The following HSD17B4 variants were observed in gnomAD, a reference collection of about 807,000 sequenced individuals.
HSD17B4 encodes the protein peroxisomal multifunctional enzyme type 2.
A neutral mutation model predicts 101.0 loss-of-function variants in HSD17B4; 70 were observed. The ratio of observed to expected loss-of-function variants is 0.69; its 90% CI spans 0.57 to 0.85. The LOEUF is 0.85. Among genes scored for constraint, HSD17B4 ranks in the 40% least tolerant of loss-of-function variants. The pLI is 0.00. For missense variants in HSD17B4, 984 were observed against 892.4 expected, an observed-to-expected ratio of 1.10 and a Z score of -1.31; for synonymous variants, 347 against 297.1, an observed-to-expected ratio of 1.17 and a Z score of -1.73.
intron 6 of HSD17B4, 57 bp downstream of exon 6, chr5:119,475,927 T>G (rs1748540870): frequency 7.7e-7 from 1 of 1,294,404 alleles, no homozygotes; most frequent in Non-Finnish European, 1.1e-6. Flanking sequence ...GCCTTTTTAG[T>G]ATTTGATAAA....
At chr5:119,504,079 A>T (rs1189680903) in intron 14 of HSD17B4, among the ~76,000 whole-genome samples, 1 of 152,156 alleles carries the variant, frequency 6.6e-6, no homozygotes, top group Non-Finnish European at 1.5e-5. Context: ...ATGACGTCCA[A>T]CTGTATCCAT....
chr5:119,469,708 C>T (rs1298511981), intron 2 of HSD17B4, among the ~76,000 whole-genome samples: 2 of 152,220 alleles, frequency 1.3e-5, no homozygotes, highest in Non-Finnish European at 2.9e-5. Flanking sequence ...TCTAGTAGAA[C>T]AGTCGTATCT....
intron 22 of HSD17B4, among the ~76,000 whole-genome samples, chr5:119,534,577 C>T (rs1270996560): frequency 6.6e-6 from 1 of 152,018 alleles, no homozygotes; most frequent in South Asian, 2.1e-4. Flanking sequence ...TGGGTTGGTG[C>T]TCATCTTCTA....
rs565287965 is a variant in HSD17B4, at chr5:119,500,993, A to G, written c.1210-1048A>G. Among the ~76,000 whole-genome samples the G allele has an allele frequency of 9.8e-4, 149 of 152,246 alleles. 1 individual carries two copies. Among genetic ancestry groups the G allele is most frequent in the Non-Finnish European group, 1.8e-3 (123 of 67,992 alleles). On this transcript the variant is annotated intron_variant, in intron 13 of 23. Transcript: ENST00000510025. ...TATTTACTGGTGGATCAGTTAGCCC[A>G]TTGCTGCTCTGAGTTGATGGCCACT...
chr5:119,457,014 G>A (rs978909025), intron 2 of HSD17B4, among the ~76,000 whole-genome samples: 2 of 152,164 alleles, frequency 1.3e-5, no homozygotes, highest in South Asian at 2.1e-4. Flanking sequence ...ATTTAATTGA[G>A]GGGGCAGTTA....
chr5:119,475,079 T>C (rs1171497922), intron 4 of HSD17B4, among the ~76,000 whole-genome samples: 1 of 152,168 alleles, frequency 6.6e-6, no homozygotes, highest in Non-Finnish European at 1.5e-5. Context: ...CTCCCTTTTT[T>C]GTTTGGTCTA....
intron 2 of HSD17B4, among the ~76,000 whole-genome samples, chr5:119,472,745 G>T (rs1159236998): frequency 6.6e-6 from 1 of 152,052 alleles, no homozygotes; most frequent in Non-Finnish European, 1.5e-5. Context: ...AACGTAATTG[G>T]TACTTTATAC....
chr5:119,455,275 T>C (rs1754497248), intron 1 of HSD17B4, among the ~76,000 whole-genome samples: 1 of 152,172 alleles, frequency 6.6e-6, no homozygotes, highest in Non-Finnish European at 1.5e-5. Flanking sequence ...TCCCAGCACT[T>C]TGGGAGGCCG....
chr5:119,531,176 A>T, intron 21 of HSD17B4, 90 bp from the exon 22 acceptor site: 1 of 1,367,060 alleles, frequency 7.3e-7, no homozygotes, highest in Non-Finnish European at 1.0e-6. Flanking sequence ...GAGTTTTAAA[A>T]AATCTTTTTT....
intron 8 of HSD17B4, among the ~76,000 whole-genome samples, chr5:119,488,501 C>T (rs967921916): frequency 6.6e-6 from 1 of 152,088 alleles, no homozygotes; most frequent in Non-Finnish European, 1.5e-5. Context: ...ATGTTCTCAA[C>T]ACAAAGACAA....
chr5:119,488,687 CT>C (rs948243949), intron 8 of HSD17B4, among the ~76,000 whole-genome samples: 4 of 152,178 alleles, frequency 2.6e-5, no homozygotes, highest in African/African-American at 9.6e-5. Flanking sequence ...ACTTTGTGCA[CT>C]CACCAGTGAT....
chr5:119,520,756 C>G (rs552633050), intron 17 of HSD17B4, among the ~76,000 whole-genome samples: 2 of 152,182 alleles, frequency 1.3e-5, no homozygotes, highest in East Asian at 3.9e-4. Context: ...TTCATTATGG[C>G]CAGAAGCAAA....
At chr5:119,480,833 G>T (rs1315605277) in intron 8 of HSD17B4, among the ~76,000 whole-genome samples, 1 of 152,224 alleles carries the variant, frequency 6.6e-6, no homozygotes, top group East Asian at 1.9e-4. Context: ...CCCTAGGTGC[G>T]CATTCTCTTT....
chr5:119,503,122 G>A lies in HSD17B4; in HGVS notation c.1261+1030G>A, dbSNP rs981460085. On this transcript the variant is annotated intron_variant, in intron 14 of 23. Coordinates refer to ENST00000510025, the MANE Select transcript of HSD17B4 (RefSeq NM_000414.4). ...TGTGTGTGTGTGTGTGTGTATGTGT[G>A]CATGTATGTATGTGGTGGGGTGGTG... Among the ~76,000 whole-genome samples, 3 of 149,424 alleles carry A rather than the reference G, an allele frequency of 2.0e-5. No individual in the cohort carries two copies. The East Asian group carries it at 6.0e-4, about 30-fold the overall frequency.
At chr5:119,474,483 C>T (rs781351743) in intron 4 of HSD17B4, 23 bp downstream of exon 4, 4 of 1,498,392 alleles carry the variant, frequency 2.7e-6, no homozygotes, top group Non-Finnish European at 3.7e-6. Flanking sequence ...TGTGTTATGG[C>T]TCTTGTGGAG....
At chr5:119,506,514 T>A (rs1303721945) in intron 14 of HSD17B4, among the ~76,000 whole-genome samples, 2 of 152,214 alleles carry the variant, frequency 1.3e-5, no homozygotes, top group Admixed American at 1.3e-4. Flanking sequence ...TGATTTATAA[T>A]CCTTTGGGTA....
chr5:119,527,381 T>G (rs192933404), intron 20 of HSD17B4, among the ~76,000 whole-genome samples, 162 bp downstream of exon 20: 1 of 152,204 alleles, frequency 6.6e-6, no homozygotes. Flanking sequence ...AAATTTTTAT[T>G]TATCAGGCAA....
chr5:119,530,157 T>A (rs1018344829), intron 21 of HSD17B4, 177 bp downstream of exon 21: 1 of 603,428 alleles, frequency 1.7e-6, no homozygotes, highest in African/African-American at 1.9e-5. Context: ...TCTGGCAATT[T>A]ATGAACTTTA....
chr5:119,527,188 A>G lies in HSD17B4; in HGVS notation c.1736A>G (p.Lys579Arg). The change falls in exon 20 of 24, where the codon AAG becomes AGG. Residue 579 changes from lysine to arginine, a missense_variant. By Grantham distance (26) the Lys-to-Arg change is conservative. Coordinates refer to ENST00000510025, the MANE Select transcript of HSD17B4 (RefSeq NM_000414.4). ...PGQTLQTEMW[K>R]EGNRIHFQTK... ...CAAACTCTACAAACTGAGATGTGGA[A>G]GGAAGGAAACAGAATTCATTTTCAA... The G allele has an allele frequency of 6.2e-7, 1 of 1,609,146 alleles. No individual in the cohort carries two copies. The highest frequency in any genetic ancestry group is 8.5e-7 in the Non-Finnish European group (1 of 1,175,908).
Sources: allele counts gnomAD v4.1 joint callset (sites outside exome capture counted in the v4.1 genomes callset), GRCh38; gene constraint gnomAD v4.1.1; transcripts MANE v1.5; gene names NCBI Gene and HGNC (gene_info 2026-07-23, HGNC 2026-07-21).